The following GRIA4 variants were observed in gnomAD, a reference collection of about 807,000 sequenced individuals.
The protein encoded by GRIA4 is glutamate receptor 4.
In GRIA4, 34 loss-of-function variants were observed where a neutral mutation model predicts 104.0. The observed-to-expected ratio is 0.33, with a 90% CI of 0.25 to 0.44. The LOEUF is 0.44. Among genes scored for constraint, GRIA4 ranks in the 20% least tolerant of loss-of-function variants. The pLI is 1.00. For synonymous variants in GRIA4, 386 were observed against 381.9 expected, an observed-to-expected ratio of 1.01 and a Z score of -0.13; for missense variants, 750 against 1,096.5, an observed-to-expected ratio of 0.68 and a Z score of 4.46.
At chr11:105,610,696 C>T (rs969303401) in intron 1 of GRIA4, 2 of 347,674 alleles carry the variant, frequency 5.8e-6, no homozygotes, top group Admixed American at 4.2e-5. Flanking sequence ...CCACTAGACG[C>T]TCCACCACCA....
At chr11:105,657,734 C>T (rs953491862) in intron 3 of GRIA4, among the ~76,000 whole-genome samples, 1 of 151,992 alleles carries the variant, frequency 6.6e-6, no homozygotes, top group African/African-American at 2.4e-5. Context: ...TGATGGCACC[C>T]AGAAATGTTT....
intron 3 of GRIA4, among the ~76,000 whole-genome samples, chr11:105,689,355 T>C (rs1953005693): frequency 6.6e-6 from 1 of 152,180 alleles, no homozygotes; most frequent in South Asian, 2.1e-4. Flanking sequence ...GATGACAAAA[T>C]TTAAGGCTTT....
At chr11:105,916,706 CAAACT>C (rs1947416363) in intron 10 of GRIA4, among the ~76,000 whole-genome samples, 1 of 152,158 alleles carries the variant, frequency 6.6e-6, no homozygotes, top group African/African-American at 2.4e-5. Flanking sequence ...CTTGCACACA[CAAACT>C]AATACAGTAA....
chr11:105,703,804 A>C (rs1953592612), intron 3 of GRIA4, among the ~76,000 whole-genome samples: 1 of 152,168 alleles, frequency 6.6e-6, no homozygotes, highest in African/African-American at 2.4e-5. Flanking sequence ...CTAATGGGAT[A>C]AATAATTAAT....
chr11:105,674,178 C>T (rs925550166), intron 3 of GRIA4, among the ~76,000 whole-genome samples: 2 of 151,770 alleles, frequency 1.3e-5, no homozygotes, highest in African/African-American at 4.8e-5. Flanking sequence ...AACATTCTAC[C>T]GATTTATTAC....
intron 3 of GRIA4, among the ~76,000 whole-genome samples, chr11:105,722,715 G>A (rs965098059): frequency 1.3e-5 from 2 of 151,750 alleles, no homozygotes; most frequent in Non-Finnish European, 2.9e-5. Context: ...TTTTAGTTTT[G>A]TTATACATGT....
At chr11:105,794,886 G>C (rs1419490990) in intron 4 of GRIA4, among the ~76,000 whole-genome samples, 1 of 151,852 alleles carries the variant, frequency 6.6e-6, no homozygotes. Context: ...CAGTACCTGT[G>C]ACTTTGTGAA....
chr11:105,789,741 T>C (rs1277640940), intron 4 of GRIA4, among the ~76,000 whole-genome samples: 1 of 152,144 alleles, frequency 6.6e-6, no homozygotes, highest in Non-Finnish European at 1.5e-5. Flanking sequence ...AGAAAAACAC[T>C]AAAGATAATA....
chr11:105,953,457 C>T (rs977237138), intron 14 of GRIA4, among the ~76,000 whole-genome samples: 13 of 152,158 alleles, frequency 8.5e-5, no homozygotes, highest in African/African-American at 3.1e-4. Flanking sequence ...CTACCTATTT[C>T]ATCTTGTTAT....
At chr11:105,854,077 C>A (rs1565289674) in intron 4 of GRIA4, among the ~76,000 whole-genome samples, 1 of 152,032 alleles carries the variant, frequency 6.6e-6, no homozygotes, top group Non-Finnish European at 1.5e-5. Flanking sequence ...TTTTAGATGC[C>A]AAGTCTTCTT....
At chr11:105,830,093 C>T (rs1021891738) in intron 4 of GRIA4, among the ~76,000 whole-genome samples, 4 of 151,978 alleles carry the variant, frequency 2.6e-5, no homozygotes, top group African/African-American at 9.7e-5. Context: ...ACTCAAACCC[C>T]TTAGCTTAAC....
At chr11:105,643,729 G>C in intron 3 of GRIA4, among the ~76,000 whole-genome samples, 1 of 151,868 alleles carries the variant, frequency 6.6e-6, no homozygotes, top group East Asian at 1.9e-4. Flanking sequence ...TTTTGTTTTT[G>C]CTTTTTTGAG....
chr11:105,829,591 C>T (rs1198657966), intron 4 of GRIA4, among the ~76,000 whole-genome samples: 1 of 151,846 alleles, frequency 6.6e-6, no homozygotes, highest in Non-Finnish European at 1.5e-5. Context: ...GAGAGTTAGT[C>T]CTAGTGCCCG....
At chr11:105,895,515 T>C (rs1024905815) in intron 6 of GRIA4, among the ~76,000 whole-genome samples, 1 of 151,200 alleles carries the variant, frequency 6.6e-6, no homozygotes, top group African/African-American at 2.4e-5. Context: ...AGATAGGTGA[T>C]AGATAATAGA....
intron 4 of GRIA4, among the ~76,000 whole-genome samples, chr11:105,837,599 G>A (rs980070698): frequency 6.6e-6 from 1 of 152,104 alleles, no homozygotes; most frequent in African/African-American, 2.4e-5. Context: ...CAGGAAGGGG[G>A]AGAGTAGATT....
At chr11:105,978,684 C>A (rs768914430) in intron 16 of GRIA4, among the ~76,000 whole-genome samples, 9 of 152,126 alleles carry the variant, frequency 5.9e-5, no homozygotes, top group Non-Finnish European at 1.3e-4. Flanking sequence ...GAGTTATGAA[C>A]TAAGTCATAA....
chr11:105,972,084 C>T (rs1011562985), intron 15 of GRIA4, 56 bp downstream of exon 15: 8 of 1,041,176 alleles, frequency 7.7e-6, no homozygotes, highest in African/African-American at 1.6e-5. Flanking sequence ...TAAACGGGAG[C>T]AATTGTCAAA....
intron 3 of GRIA4, among the ~76,000 whole-genome samples, chr11:105,621,983 A>T (rs750576285): frequency 2.0e-5 from 3 of 149,392 alleles, no homozygotes; most frequent in Non-Finnish European, 4.5e-5. Context: ...AGATCTGTGT[A>T]CTTCTTTCTC....
chr11:105,888,408 C>G (rs1267420744), intron 6 of GRIA4, among the ~76,000 whole-genome samples: 1 of 149,616 alleles, frequency 6.7e-6, no homozygotes, highest in African/African-American at 2.5e-5. Context: ...CTCAGCCTCC[C>G]AAGTAGCTGG....
Sources: allele counts gnomAD v4.1 joint callset (sites outside exome capture counted in the v4.1 genomes callset), GRCh38; gene constraint gnomAD v4.1.1; transcripts MANE v1.5; gene names NCBI Gene and HGNC (gene_info 2026-07-23, HGNC 2026-07-21).